The following LSP1 variants were observed in gnomAD, a reference collection of about 807,000 sequenced individuals.
LSP1 encodes the protein lymphocyte-specific protein 1.
A neutral mutation model predicts 49.3 loss-of-function variants in LSP1; 32 were observed. The observed-to-expected ratio is 0.65, with a 90% CI of 0.49 to 0.87. The LOEUF (loss-of-function observed/expected upper bound fraction) is 0.87. LSP1 is among the 40% of genes least tolerant of loss of function. The pLI is 0.00. For missense variants in LSP1, 428 were observed against 442.6 expected (o/e 0.97, Z 0.30); for synonymous variants, 179 against 178.8 (o/e 1.00, Z -0.01).
At chr11:1,873,608 A>AAGGGAAGG (rs1241370553) in intron 1 of LSP1, among the ~76,000 whole-genome samples, 1 of 145,208 alleles carries the variant, frequency 6.9e-6, no homozygotes, top group Non-Finnish European at 1.5e-5. Context: ...AGAAGGGAGG[A>AAGGGAAGG]AGGGAAGGAG....
At chr11:1,888,153 G>A (rs1848834299) in intron 10 of LSP1, among the ~76,000 whole-genome samples, 1 of 152,138 alleles carries the variant, frequency 6.6e-6, no homozygotes. Flanking sequence ...ACCACAGGGT[G>A]GGGCAGCTGT....
intron 1 of LSP1, among the ~76,000 whole-genome samples, chr11:1,873,106 G>C (rs2133088217): frequency 6.6e-6 from 1 of 151,982 alleles, no homozygotes; most frequent in South Asian, 2.1e-4. Flanking sequence ...TGGAGGCAGG[G>C]GGCAGAGACA....
At chr11:1,882,094 C>A (rs1275531542) in intron 3 of LSP1, among the ~76,000 whole-genome samples, 1 of 152,192 alleles carries the variant, frequency 6.6e-6, no homozygotes, top group Non-Finnish European at 1.5e-5. Context: ...GGAGAGTCGG[C>A]CGGGAGGACG....
chr11:1,858,157 G>T (rs1458351806), intron 1 of LSP1, among the ~76,000 whole-genome samples: 2 of 152,210 alleles, frequency 1.3e-5, no homozygotes, highest in Admixed American at 1.3e-4. Flanking sequence ...AGGCTCACAG[G>T]GGCCAAGTGC....
At chr11:1,856,060 T>C (rs1847481506) in intron 1 of LSP1, among the ~76,000 whole-genome samples, 1 of 152,206 alleles carries the variant, frequency 6.6e-6, no homozygotes, top group Non-Finnish European at 1.5e-5. Context: ...TTGGCCCAGC[T>C]GCCCGGGGGT....
chr11:1,877,444 C>T (rs1374706509), intron 1 of LSP1, among the ~76,000 whole-genome samples: 1 of 152,186 alleles, frequency 6.6e-6, no homozygotes, highest in Non-Finnish European at 1.5e-5. Flanking sequence ...TACTCTGTCC[C>T]CCAGGCCCCT....
Position 1,887,483 on chromosome 11 carries a change from T to C in LSP1, c.940T>C (p.Ser314Pro). 1.2e-6 allele frequency: 2 copies of C among 1,613,862 alleles called. No individual in the cohort carries two copies. Among genetic ancestry groups the C allele is most frequent in the Non-Finnish European group, 1.7e-6 (2 of 1,179,904 alleles). Reference sequence around the variant, plus strand: ...TCTCCTTTCCCAACAGAGCACCCCATCTGGGAAGAGGTATAAGTTTGTGGC... The same window carrying C: ...TCTCCTTTCCCAACAGAGCACCCCACCTGGGAAGAGGTATAAGTTTGTGGC... ...KTSSTIKSTP[S>P]GKRYKFVATG... Residue 314 changes from serine (S) to proline (P), a missense_variant, in exon 10 of 11, where the codon TCT becomes CCT. Coordinates refer to ENST00000311604, the MANE Select transcript of LSP1 (RefSeq NM_002339.3).
intron 1 of LSP1, among the ~76,000 whole-genome samples, chr11:1,865,799 C>T (rs961245922): frequency 2.6e-5 from 4 of 151,866 alleles, no homozygotes; most frequent in Admixed American, 6.6e-5. Context: ...TGGGGTCCTT[C>T]GGATCCTGGG....
rs781032587 is a variant in LSP1 at position 1,853,212 on chromosome 11, C to T, written c.53+15C>T. The T allele has an allele frequency of 4.4e-6, 7 of 1,605,180 alleles. No individual in the cohort carries two copies. The highest frequency in any genetic ancestry group is 2.7e-5 in the African/African-American group (2 of 74,902). On this transcript the variant is annotated intron_variant, in intron 1 of 10. Coordinates refer to ENST00000311604, the MANE Select transcript of LSP1 (RefSeq NM_002339.3). ...GAGTTGCTGGGGTAAGGGTCTGCGGCGACGCCCGGCGCCCTGTGCCGTGTC... is the reference window on the plus strand; with the variant it reads ...GAGTTGCTGGGGTAAGGGTCTGCGGTGACGCCCGGCGCCCTGTGCCGTGTC...
intron 1 of LSP1, chr11:1,869,629 G>C (rs1005340274): frequency 2.1e-6 from 1 of 470,666 alleles, no homozygotes; most frequent in Non-Finnish European, 4.4e-6. Context: ...AGAAGGCTCA[G>C]AGCCGCTGTC....
intron 10 of LSP1, chr11:1,889,066 T>C (rs766749754): frequency 3.2e-4 from 185 of 578,306 alleles, no homozygotes; most frequent in Non-Finnish European, 5.5e-4. Flanking sequence ...ATGCAGCAAC[T>C]ATGGGCCCCC....
At chr11:1,863,989 T>G (rs1589808546) in intron 1 of LSP1, among the ~76,000 whole-genome samples, 1 of 139,486 alleles carries the variant, frequency 7.2e-6, no homozygotes, top group African/African-American at 2.7e-5. Flanking sequence ...TCTCTGGAGG[T>G]GACAACAAGA....
At chr11:1,859,126 A>G (rs967961113) in intron 1 of LSP1, among the ~76,000 whole-genome samples, 4 of 152,144 alleles carry the variant, frequency 2.6e-5, no homozygotes, top group African/African-American at 9.7e-5. Context: ...TGTAGGTCAC[A>G]GCATGAAGGG....
At chr11:1,870,333 AC>A in intron 1 of LSP1, 1 of 1,288,418 alleles carries the variant, frequency 7.8e-7, no homozygotes, top group Non-Finnish European at 1.0e-6. Flanking sequence ...TGCCCGCAGC[AC>A]CCGGGGACAT....
intron 1 of LSP1, among the ~76,000 whole-genome samples, chr11:1,877,809 C>T (rs1253923645): frequency 5.9e-5 from 9 of 152,172 alleles, no homozygotes; most frequent in Non-Finnish European, 1.0e-4. Context: ...TGTGCACCTG[C>T]GTGTGCCCCA....
At chr11:1,858,339 G>A (rs1452716977) in intron 1 of LSP1, among the ~76,000 whole-genome samples, 1 of 152,160 alleles carries the variant, frequency 6.6e-6, no homozygotes, top group African/African-American at 2.4e-5. Context: ...GGACTCAAAG[G>A]CTCCCAAGAG....
intron 7 of LSP1, among the ~76,000 whole-genome samples, chr11:1,885,364 C>T (rs1031514109): frequency 6.6e-6 from 1 of 152,142 alleles, no homozygotes; most frequent in African/African-American, 2.4e-5. Flanking sequence ...AACCAATAGT[C>T]CTTCATCCAC....
intron 10 of LSP1, chr11:1,890,117 C>A (rs760868187): frequency 2.8e-6 from 2 of 716,994 alleles, no homozygotes; most frequent in East Asian, 5.4e-5. Context: ...GTTCTGGGGC[C>A]GAGGCTACAA....
At chr11:1,869,804 G>GA (rs1847921213) in intron 1 of LSP1, 4 of 317,746 alleles carry the variant, frequency 1.3e-5, no homozygotes, top group East Asian at 2.2e-4. Flanking sequence ...GGGGCGTGGG[G>GA]GGGGCTGGTT....
Sources: gnomAD v4.1 joint callset for allele counts (sites outside exome capture counted in the v4.1 genomes callset) on GRCh38, gnomAD v4.1.1 for gene constraint, MANE v1.5 for transcripts, NCBI Gene and HGNC (gene_info 2026-07-23, HGNC 2026-07-21) for gene names.